Variants in FUT9 observed in about 807,000 individuals in gnomAD.
The protein encoded by FUT9 is fucosyltransferase 9.
A neutral mutation model predicts 29.7 loss-of-function variants in FUT9; 15 were observed. The observed-to-expected ratio is 0.51, with a 90% CI of 0.34 to 0.78. FUT9 has a LOEUF of 0.78. Among genes scored for constraint, FUT9 ranks in the 30% least tolerant of loss-of-function variants. The pLI is 0.01. For synonymous variants in FUT9, 169 were observed against 153.7 expected (o/e 1.10, Z -0.74); for missense variants, 319 against 425.4 (o/e 0.75, Z 2.20).
intron 1 of FUT9, among the ~76,000 whole-genome samples, chr6:96,030,399 A>G (rs1288796982): frequency 6.6e-6 from 1 of 151,590 alleles, no homozygotes; most frequent in Non-Finnish European, 1.5e-5. Context: ...TAAAAAAATT[A>G]AAATCAGAGT....
chr6:96,045,162 G>A (rs1364825454), intron 1 of FUT9, among the ~76,000 whole-genome samples: 1 of 152,132 alleles, frequency 6.6e-6, no homozygotes, highest in African/African-American at 2.4e-5. Context: ...ATTATACTGA[G>A]GGGGCAAACC....
chr6:96,085,088 A>T (rs999494756), intron 1 of FUT9, among the ~76,000 whole-genome samples: 3 of 152,092 alleles, frequency 2.0e-5, no homozygotes, highest in East Asian at 1.9e-4. Flanking sequence ...TTTTATTTAA[A>T]TTTTTTTAAA....
At chr6:96,194,555 G>C (rs1001644453) in intron 2 of FUT9, among the ~76,000 whole-genome samples, 1 of 152,214 alleles carries the variant, frequency 6.6e-6, no homozygotes, top group East Asian at 1.9e-4. Context: ...GGCAGGAGTC[G>C]ATGCTAGGTT....
chr6:96,129,949 T>C (rs1772210618), intron 2 of FUT9, among the ~76,000 whole-genome samples: 1 of 152,098 alleles, frequency 6.6e-6, no homozygotes, highest in Admixed American at 6.5e-5. Flanking sequence ...AATTTTTTAA[T>C]TAAATTTCAA....
intron 1 of FUT9, among the ~76,000 whole-genome samples, chr6:96,103,362 C>T (rs904929232): frequency 2.0e-5 from 3 of 151,976 alleles, no homozygotes; most frequent in Admixed American, 2.0e-4. Flanking sequence ...CTACAGCATC[C>T]CACCGTTACC....
intron 1 of FUT9, among the ~76,000 whole-genome samples, chr6:96,084,701 A>G (rs979888524): frequency 1.3e-5 from 2 of 152,116 alleles, no homozygotes; most frequent in Non-Finnish European, 2.9e-5. Context: ...TGACATACAA[A>G]TTAGAAATAG....
At chr6:96,166,799 G>A (rs1773023085) in intron 2 of FUT9, among the ~76,000 whole-genome samples, 1 of 151,996 alleles carries the variant, frequency 6.6e-6, no homozygotes, top group Non-Finnish European at 1.5e-5. Flanking sequence ...TGTATACATT[G>A]TACTATTTGT....
chr6:96,059,621 A>G (rs6933041), intron 1 of FUT9, among the ~76,000 whole-genome samples: 82,901 of 151,958 alleles, frequency 0.55, 22,724 homozygotes, highest in South Asian at 0.63. Flanking sequence ...CCAGCTATCC[A>G]TTTCATTACA....
chr6:96,161,258 T>TA (rs1772896030), intron 2 of FUT9, among the ~76,000 whole-genome samples: 1 of 152,128 alleles, frequency 6.6e-6, no homozygotes, highest in Non-Finnish European at 1.5e-5. Flanking sequence ...CTGGATGGGA[T>TA]AAGTGCCCTT....
At chr6:96,171,138 G>T (rs1034793775) in intron 2 of FUT9, among the ~76,000 whole-genome samples, 1 of 152,188 alleles carries the variant, frequency 6.6e-6, no homozygotes, top group Non-Finnish European at 1.5e-5. Context: ...GCATTTTCAA[G>T]TTGGCAACCA....
rs187320948 is a variant in FUT9, at chr6:96,100,598, T to C, written c.-97-13441T>C. 4.8e-4 allele frequency among the ~76,000 whole-genome samples: 73 copies of C among 152,328 alleles called. 1 individual carries two copies. Among genetic ancestry groups the C allele is most frequent in the African/African-American group, 1.7e-3 (69 of 41,580 alleles). On this transcript the variant is annotated intron_variant, in intron 1 of 2. Coordinates refer to ENST00000302103, the MANE Select transcript of FUT9 (RefSeq NM_006581.4). ...AACTCTGGAGATAGCTAAAGAAATTTACAATTTTGGGAAATGGAGAACAGA... is the reference window on the plus strand; with the variant it reads ...AACTCTGGAGATAGCTAAAGAAATTCACAATTTTGGGAAATGGAGAACAGA...
intron 2 of FUT9, among the ~76,000 whole-genome samples, chr6:96,114,841 T>C (rs978794323): frequency 7.2e-5 from 11 of 152,270 alleles, no homozygotes; most frequent in East Asian, 1.9e-4. Flanking sequence ...CCCAATCCCT[T>C]TTCCTTGGAT....
intron 2 of FUT9, among the ~76,000 whole-genome samples, chr6:96,128,124 T>A (rs1032122473): frequency 6.6e-6 from 1 of 152,118 alleles, no homozygotes; most frequent in African/African-American, 2.4e-5. Flanking sequence ...AATAAACTTT[T>A]AAAATTAACA....
At chr6:96,043,182 G>A (rs547549960) in intron 1 of FUT9, among the ~76,000 whole-genome samples, 6 of 152,188 alleles carry the variant, frequency 3.9e-5, no homozygotes, top group South Asian at 2.1e-4. Context: ...CTCCCGAGTA[G>A]CTGGGACTAC....
At chr6:96,174,493 C>G (rs1773169531) in intron 2 of FUT9, among the ~76,000 whole-genome samples, 1 of 152,026 alleles carries the variant, frequency 6.6e-6, no homozygotes, top group African/African-American at 2.4e-5. Flanking sequence ...TATAGATTGG[C>G]ACAGTCATCT....
intron 2 of FUT9, among the ~76,000 whole-genome samples, chr6:96,132,887 T>A (rs1451987496): frequency 6.6e-6 from 1 of 152,062 alleles, no homozygotes; most frequent in Non-Finnish European, 1.5e-5. Context: ...AAAAGCATAT[T>A]ATTCTGTTCA....
chr6:96,112,396 A>G (rs1004930922), intron 1 of FUT9, among the ~76,000 whole-genome samples: 1 of 152,224 alleles, frequency 6.6e-6, no homozygotes, highest in Non-Finnish European at 1.5e-5. Context: ...GTGATATTTG[A>G]CTTTTTAAAG....
chr6:96,136,862 A>C (rs1235525613), intron 2 of FUT9, among the ~76,000 whole-genome samples: 1 of 152,012 alleles, frequency 6.6e-6, no homozygotes, highest in East Asian at 1.9e-4. Context: ...ACAAATAACA[A>C]ATTTGATATA....
intron 2 of FUT9, among the ~76,000 whole-genome samples, chr6:96,187,840 T>C (rs1272671120): frequency 3.3e-5 from 5 of 152,178 alleles, no homozygotes; most frequent in Non-Finnish European, 7.3e-5. Flanking sequence ...ACTTGGTTTT[T>C]TGAGGTTAGT....
Sources: gnomAD v4.1 joint callset for allele counts (sites outside exome capture counted in the v4.1 genomes callset) on GRCh38, gnomAD v4.1.1 for gene constraint, MANE v1.5 for transcripts, NCBI Gene and HGNC (gene_info 2026-07-23, HGNC 2026-07-21) for gene names.